The following MARK4 variants were observed in gnomAD, a reference collection of about 807,000 sequenced individuals.
The protein encoded by MARK4 is microtubule affinity regulating kinase 4.
MARK4 carries 19 observed loss-of-function variants against 81.5 expected under a neutral mutation model. The observed-to-expected ratio is 0.23, with a 90% confidence interval of 0.16 to 0.34. The LOEUF is 0.34. MARK4 is among the 10% of genes least tolerant of loss of function. MARK4 has a pLI of 1.00. For synonymous variants in MARK4, 436 were observed against 439.0 expected (o/e 0.99, Z 0.08); for missense variants, 772 against 1,058.8 (o/e 0.73, Z 3.76).
intron 1 of MARK4, among the ~76,000 whole-genome samples, chr19:45,254,535 G>A (rs922882067): frequency 1.3e-5 from 2 of 152,210 alleles, no homozygotes; most frequent in Non-Finnish European, 2.9e-5. Flanking sequence ...GCCGGGGTTC[G>A]CATCCCAGCA....
At position 45,271,351 on chromosome 19, in the gene MARK4, C is replaced by A; in HGVS notation, c.550-121C>A. The A allele has an allele frequency of 1.1e-6, 1 of 911,244 alleles. No individual in the cohort carries two copies. The highest frequency in any genetic ancestry group is 1.7e-6 in the Non-Finnish European group (1 of 580,406). The allele number at this position is 911,244 out of a possible 1,614,324, so 56.4% of individuals were successfully genotyped here. On this transcript the variant is annotated intron_variant, in intron 7 of 16. Coordinates refer to ENST00000262891, the MANE Select transcript of MARK4 (RefSeq NM_001199867.2). This position sits in a 1 kb window ranked among gnomAD's most constrained non-coding sequence, Gnocchi z 4.1. ...CTAAGGTCAGGTAGAGAGTAAAGGACAGGCCCAAGAGTTGATCCCTGTGGG... is the reference window on the plus strand; with the variant it reads ...CTAAGGTCAGGTAGAGAGTAAAGGAAAGGCCCAAGAGTTGATCCCTGTGGG...
At chr19:45,296,893 T>G (rs1375993303) in intron 14 of MARK4, among the ~76,000 whole-genome samples, 1 of 151,902 alleles carries the variant, frequency 6.6e-6, no homozygotes, top group Non-Finnish European at 1.5e-5. Flanking sequence ...CTCCTGAAAA[T>G]ACATAAACTA....
chr19:45,289,767 C>T (rs572916620), intron 13 of MARK4, among the ~76,000 whole-genome samples: 2 of 149,938 alleles, frequency 1.3e-5, no homozygotes, highest in East Asian at 4.0e-4. Flanking sequence ...AAGACTCTGT[C>T]TCAAAACAAA....
chr19:45,274,656 C>T (rs1317109644), intron 8 of MARK4, among the ~76,000 whole-genome samples: 1 of 151,828 alleles, frequency 6.6e-6, no homozygotes, highest in Non-Finnish European at 1.5e-5. Flanking sequence ...AACAAACAAA[C>T]AAAACAGGCT....
In MARK4 at chr19:45,289,648, T is replaced by TA. The variant is rs375403421; in HGVS notation, c.1494+1986dup. The stretch of plus-strand genomic sequence containing the variant: ...AGCCAGGCGTGGTGGTGCACGCCTG[T>TA]AATCCCAGCTACTCAGGAGGCTGAG... On this transcript the variant is annotated intron_variant, in intron 13 of 16. Coordinates refer to ENST00000262891, the MANE Select transcript of MARK4 (RefSeq NM_001199867.2). 6.7e-3 allele frequency among the ~76,000 whole-genome samples: 1,015 copies of TA among 151,158 alleles called. 14 individuals are homozygous for TA. The highest frequency in any genetic ancestry group is 0.023 in the African/African-American group (930 of 41,196).
At position 45,266,291 on chromosome 19, in the gene MARK4, C is replaced by T. The variant is rs765435325; in HGVS notation, c.549+10C>T. ...ACACAGGGACCTGAAGGTAAGCCCCCGACCCGCTGTGATCTCAGGGACCAC... is the reference window on the plus strand; with the variant it reads ...ACACAGGGACCTGAAGGTAAGCCCCTGACCCGCTGTGATCTCAGGGACCAC... On this transcript the variant is annotated intron_variant, in intron 7 of 16. Coordinates refer to ENST00000262891, the MANE Select transcript of MARK4 (RefSeq NM_001199867.2). The T allele has an allele frequency of 4.0e-5, 65 of 1,613,450 alleles. No homozygotes were observed. Among genetic ancestry groups the T allele is most frequent in the South Asian group, 1.2e-4 (11 of 91,086 alleles).
chr19:45,262,138 T>G (rs1191249691), intron 2 of MARK4, among the ~76,000 whole-genome samples: 1 of 152,176 alleles, frequency 6.6e-6, no homozygotes, highest in Non-Finnish European at 1.5e-5. Context: ...AACAGCTCTG[T>G]GCCTCAGTTT....
chr19:45,278,279 G>T (rs566848106), intron 9 of MARK4, among the ~76,000 whole-genome samples: 1 of 152,214 alleles, frequency 6.6e-6, no homozygotes, highest in South Asian at 2.1e-4. Flanking sequence ...ATTAGCTAAT[G>T]AGCTCCTAGG....
intron 12 of MARK4, among the ~76,000 whole-genome samples, chr19:45,283,409 CA>C (rs869039919): frequency 0.012 from 1,005 of 86,350 alleles, 6 homozygotes; most frequent in African/African-American, 0.023. Flanking sequence ...GACTTCCTCT[CA>C]AAAAAAAAAA....
intron 12 of MARK4, among the ~76,000 whole-genome samples, chr19:45,281,363 C>T (rs867869176): frequency 1.0e-3 from 88 of 86,150 alleles, no homozygotes; most frequent in African/African-American, 3.9e-3. Context: ...CTTTTCTTTT[C>T]TTTCTTTTTT....
Position 45,271,413 on chromosome 19 carries a change from G to A in MARK4, c.550-59G>A, listed in dbSNP as rs1005618891. On this transcript the variant is annotated intron_variant, in intron 7 of 16. Coordinates refer to ENST00000262891, the MANE Select transcript of MARK4 (RefSeq NM_001199867.2). The surrounding 1 kb of genome is among the most constrained non-coding windows in gnomAD (Gnocchi z 4.1). ...GCCTGTGCTCCTGTCTGCCTCCCAC[G>A]TCCATGAAAGGCTTTGGCCTTGAGT... 19 of 1,546,580 alleles carry A rather than the reference G, an allele frequency of 1.2e-5. No individual in the cohort carries two copies. Among genetic ancestry groups the A allele is most frequent in the East Asian group, 9.0e-5 (4 of 44,530 alleles).
chr19:45,262,946 G>A (rs1568491424), intron 2 of MARK4, 167 bp from the exon 3 acceptor site: 1 of 700,072 alleles, frequency 1.4e-6, no homozygotes, highest in Non-Finnish European at 2.3e-6. Flanking sequence ...TGTATTTTTA[G>A]TAAAGACAGG....
intron 8 of MARK4, among the ~76,000 whole-genome samples, chr19:45,272,611 G>A (rs1417737126): frequency 1.3e-5 from 2 of 152,118 alleles, no homozygotes; most frequent in East Asian, 1.9e-4. Context: ...TGTAGTGGCC[G>A]GCCTGATGGC....
intron 1 of MARK4, among the ~76,000 whole-genome samples, chr19:45,255,280 A>G (rs1179574520): frequency 6.6e-6 from 1 of 151,688 alleles, no homozygotes; most frequent in Non-Finnish European, 1.5e-5. Flanking sequence ...GGTGGAAACT[A>G]TCGGGCACGG....
rs1488026174 is a variant in MARK4 at position 45,297,686 on chromosome 19, C to G, written c.1609C>G (p.Pro537Ala). The change falls in exon 15 of 17, where the codon CCA becomes GCA. Residue 537 changes from proline to alanine, a missense_variant. Physicochemically the swap from Pro to Ala is conservative, Grantham distance 27. Around this residue, in one of 3 missense-constraint regions of MARK4, gnomAD observed 548 missense variants for 624.3 expected, o/e 0.88. Transcript: ENST00000262891. Reference protein sequence around the residue: ...PNGKENSSGTPRVPPASPSSH... With the variant: ...PNGKENSSGTARVPPASPSSH... ...TGTCTCTGCCCACAGCTCAGGCACC[C>G]CACGGGTGCCCCCTGCCTCCCCCTC... 7 of 1,527,752 alleles carry G rather than the reference C, an allele frequency of 4.6e-6. No homozygotes were observed. The highest frequency in any genetic ancestry group is 5.2e-6 in the Non-Finnish European group (6 of 1,145,292). 94.6% of individuals were successfully genotyped at this position (1,527,752 alleles called of 1,614,324 possible). A position where few individuals can be genotyped will look rare whatever the true frequency, so the allele number is the denominator to read the frequency against.
At chr19:45,259,567 G>T (rs1253901719) in intron 2 of MARK4, among the ~76,000 whole-genome samples, 1 of 151,980 alleles carries the variant, frequency 6.6e-6, no homozygotes, top group African/African-American at 2.4e-5. Context: ...TTTGAGACCA[G>T]CCTGGGCAAC....
In MARK4 at chr19:45,278,585, G is replaced by A. The variant is rs775293247; in HGVS notation, c.976G>A (p.Glu326Lys). 49 of 1,613,772 alleles carry A rather than the reference G, an allele frequency of 3.0e-5. No homozygotes were observed. Among genetic ancestry groups the A allele is most frequent in the Non-Finnish European group, 3.6e-5 (43 of 1,179,930 alleles). Residue 326 changes from glutamate to lysine, a missense_variant, in exon 10 of 17, where the codon GAG (glutamate) becomes AAG (lysine). By Grantham distance (56) the Glu-to-Lys change is moderately conservative. Around this residue, in one of 3 missense-constraint regions of MARK4, gnomAD observed 548 missense variants for 624.3 expected, o/e 0.88. Transcript: ENST00000262891. Reference sequence around the variant, plus strand: ...GGAGTTGAAGCCATACACAGAGCCCGAGGAGGACTTCGGGGACACCAAGAG... The same window carrying A: ...GGAGTTGAAGCCATACACAGAGCCCAAGGAGGACTTCGGGGACACCAAGAG... ...GEELKPYTEP[E>K]EDFGDTKRIE... is the part of the protein sequence containing the mutation.
At chr19:45,261,709 G>A (rs1033745633) in intron 2 of MARK4, among the ~76,000 whole-genome samples, 1 of 152,130 alleles carries the variant, frequency 6.6e-6, no homozygotes, top group Non-Finnish European at 1.5e-5. Context: ...TCAGGCAGGC[G>A]GATCACCTGA....
chr19:45,291,714 G>A (rs1436143846), intron 13 of MARK4, among the ~76,000 whole-genome samples: 5 of 152,168 alleles, frequency 3.3e-5, no homozygotes, highest in African/African-American at 7.2e-5. Context: ...CCTAGGAGGC[G>A]GAGGTTGCAG....
Sources: gnomAD v4.1 joint callset for allele counts (sites outside exome capture counted in the v4.1 genomes callset) on GRCh38, gnomAD v4.1.1 for gene constraint, gnomAD v4.1.1 regional missense constraint, Gnocchi (gnomAD v3.1) non-coding constraint, MANE v1.5 for transcripts, NCBI Gene and HGNC (gene_info 2026-07-23, HGNC 2026-07-21) for gene names.